CHEK1: variants seen among roughly 807,000 people sequenced by gnomAD.
The protein encoded by CHEK1 is serine/threonine-protein kinase Chk1.
In CHEK1, 32 loss-of-function variants were observed where a neutral mutation model predicts 60.2. The observed-to-expected ratio is 0.53, with a 90% CI of 0.40 to 0.71. The LOEUF is 0.71. CHEK1 is among the 30% of genes least tolerant of loss of function. CHEK1 has a pLI of 0.00. For synonymous variants in CHEK1, 179 were observed against 187.2 expected (o/e 0.96, Z 0.36); for missense variants, 399 against 564.6 (o/e 0.71, Z 2.97).
intron 3 of CHEK1, among the ~76,000 whole-genome samples, chr11:125,628,288 T>G (rs1323386897): frequency 6.6e-6 from 1 of 152,230 alleles, no homozygotes; most frequent in African/African-American, 2.4e-5. Flanking sequence ...TTTTGTATAT[T>G]AAGTAAATTC....
At chr11:125,645,032 A>G (rs1471078819) in intron 11 of CHEK1, among the ~76,000 whole-genome samples, 3 of 152,218 alleles carry the variant, frequency 2.0e-5, no homozygotes, top group Non-Finnish European at 4.4e-5. Flanking sequence ...ACATAAAAAT[A>G]CAAAGTAATT....
intron 13 of CHEK1, among the ~76,000 whole-genome samples, chr11:125,662,164 TA>T (rs1324845022): frequency 6.6e-6 from 1 of 152,228 alleles, no homozygotes; most frequent in African/African-American, 2.4e-5. Flanking sequence ...GTGTGGCTTA[TA>T]AACAACAAAC....
intron 5 of CHEK1, 42 bp from the exon 6 acceptor site, chr11:125,633,121 A>G: frequency 6.5e-7 from 1 of 1,527,376 alleles, no homozygotes; most frequent in Admixed American, 2.5e-5. Context: ...TCTATTTGCA[A>G]AACATTTTTA....
downstream of CHEK1, among the ~76,000 whole-genome samples, chr11:125,678,919 G>A (rs1248825722): frequency 7.1e-6 from 1 of 141,594 alleles, no homozygotes. Context: ...GTGGGTTGGG[G>A]ATTCAGAGAG....
intron 11 of CHEK1, among the ~76,000 whole-genome samples, chr11:125,651,668 A>C (rs968370290): frequency 4.6e-5 from 7 of 152,054 alleles, no homozygotes; most frequent in African/African-American, 4.8e-5. Context: ...TTCTGCTCCC[A>C]CCTGGACCTA....
chr11:125,655,586 G>A lies in CHEK1; in HGVS notation c.*266G>A. On this transcript the variant is annotated 3_prime_UTR_variant, in exon 13 of 13. Coordinates refer to ENST00000438015, the MANE Select transcript of CHEK1 (RefSeq NM_001114122.3). Reference sequence around the variant, plus strand: ...TCATGTGTGTTTAGTATCTGAATTTGAAACTCATCTGGTGGAAACCAAGTT... The same window carrying A: ...TCATGTGTGTTTAGTATCTGAATTTAAAACTCATCTGGTGGAAACCAAGTT... The A allele has an allele frequency of 3.5e-6, 1 of 289,250 alleles. No individual in the cohort carries two copies. Among genetic ancestry groups the A allele is most frequent in the Non-Finnish European group, 6.4e-6 (1 of 156,286 alleles). 17.9% of individuals were successfully genotyped at this position (289,250 alleles called of 1,614,324 possible). A position where few individuals can be genotyped will look rare whatever the true frequency, so the allele number is the denominator to read the frequency against.
intron 13 of CHEK1, chr11:125,672,496 A>T: frequency 1.4e-6 from 2 of 1,423,452 alleles, no homozygotes; most frequent in East Asian, 2.3e-5. Flanking sequence ...AGATGTGGTC[A>T]GTTGTTGACT....
intron 13 of CHEK1, among the ~76,000 whole-genome samples, chr11:125,667,765 T>C (rs1942125421): frequency 6.6e-6 from 1 of 151,978 alleles, no homozygotes; most frequent in African/African-American, 2.4e-5. Flanking sequence ...GAATTACAGG[T>C]GCATGCCACC....
At chr11:125,652,022 T>C (rs776426659) in intron 11 of CHEK1, among the ~76,000 whole-genome samples, 4 of 152,238 alleles carry the variant, frequency 2.6e-5, no homozygotes, top group Non-Finnish European at 4.4e-5. Flanking sequence ...GAGTTGAATA[T>C]CTTGTATTAA....
At chr11:125,634,965 T>G (rs957649886) in intron 6 of CHEK1, among the ~76,000 whole-genome samples, 21 of 151,604 alleles carry the variant, frequency 1.4e-4, no homozygotes, top group African/African-American at 4.6e-4. Flanking sequence ...TTTTTTGGTT[T>G]TTTTTTTTTT....
At chr11:125,631,605 C>G (rs1940861108) in intron 5 of CHEK1, among the ~76,000 whole-genome samples, 1 of 150,406 alleles carries the variant, frequency 6.6e-6, no homozygotes, top group Non-Finnish European at 1.5e-5. Flanking sequence ...GTAGCTCATG[C>G]CTGTAATCCC....
chr11:125,630,983 A>G (rs1283296256), intron 5 of CHEK1, among the ~76,000 whole-genome samples: 1 of 152,190 alleles, frequency 6.6e-6, no homozygotes, highest in Non-Finnish European at 1.5e-5. Flanking sequence ...GCAAAAAGAG[A>G]CAGTTGCAAA....
At chr11:125,667,648 T>C (rs1393007042) in intron 13 of CHEK1, among the ~76,000 whole-genome samples, 2 of 152,100 alleles carry the variant, frequency 1.3e-5, no homozygotes, top group Non-Finnish European at 2.9e-5. Flanking sequence ...TGAGACAGAG[T>C]CTTGCTCTGT....
downstream of CHEK1, among the ~76,000 whole-genome samples, chr11:125,676,984 A>G (rs547616557): frequency 2.0e-5 from 3 of 152,302 alleles, no homozygotes; most frequent in African/African-American, 7.2e-5. Context: ...TAACAGCACT[A>G]TCTTTGAAAT....
chr11:125,681,035 A>T, downstream of CHEK1: 11 of 305,538 alleles, frequency 3.6e-5, no homozygotes, highest in Non-Finnish European at 6.0e-5. The surrounding 1 kb of genome is among the most constrained non-coding windows in gnomAD (Gnocchi z 4.2). Context: ...TGTGCAGGGT[A>T]GTGTGTTGGG....
chr11:125,634,479 C>T (rs1940987862), intron 6 of CHEK1, among the ~76,000 whole-genome samples: 1 of 151,970 alleles, frequency 6.6e-6, no homozygotes, highest in Non-Finnish European at 1.5e-5. Context: ...TGCACCACCA[C>T]ACCTGGCTAA....
In CHEK1 at chr11:125,643,814, T is replaced by G; in HGVS notation, c.837T>G (p.Thr279=). 1 of 1,614,106 alleles carries G rather than the reference T, an allele frequency of 6.2e-7. No homozygotes were observed. Among genetic ancestry groups the G allele is most frequent in the Non-Finnish European group, 8.5e-7 (1 of 1,180,012 alleles). The change falls in exon 9 of 13, where the codon ACT becomes ACG. Residue 279 remains threonine, a synonymous_variant. Coordinates refer to ENST00000438015, the MANE Select transcript of CHEK1 (RefSeq NM_001114122.3). ...LKKGAKRPRV[T]SGGVSESPSG... The stretch of plus-strand genomic sequence containing the variant: ...TAGGGGCAAAAAGGCCCCGAGTCAC[T>G]TCAGGTGGTGTGTCAGAGTCTCCCA...
chr11:125,625,493 G>A lies in CHEK1; in HGVS notation c.-540G>A. ...TCTCGGCTCCAGCACCACGAGTACC[G>A]CACTCTGAGGTTTACAAAGCACTCT... is the stretch of plus-strand genomic sequence containing the variant. On this transcript the variant is annotated 5_prime_UTR_variant, in exon 1 of 13. Transcript: ENST00000438015. 1 of 408,270 alleles carries A rather than the reference G, an allele frequency of 2.4e-6. No individual in the cohort carries two copies. The highest frequency in any genetic ancestry group is 4.4e-6 in the Non-Finnish European group (1 of 226,410). 25.3% of individuals were successfully genotyped at this position (408,270 alleles called of 1,614,324 possible). A position where few individuals can be genotyped will look rare whatever the true frequency, so the allele number is the denominator to read the frequency against.
At chr11:125,679,228 T>TTTTTTTTTTTTTTGTG (rs1454887323), downstream of CHEK1, among the ~76,000 whole-genome samples, 2 of 145,558 alleles carry the variant, frequency 1.4e-5, no homozygotes, top group African/African-American at 5.1e-5. Context: ...TTTTTTTTTT[T>TTTTTTTTTTTTTTGTG]TGTTTCAAAG....
Sources: gnomAD v4.1 joint callset for allele counts (sites outside exome capture counted in the v4.1 genomes callset) on GRCh38, gnomAD v4.1.1 for gene constraint, Gnocchi (gnomAD v3.1) non-coding constraint, MANE v1.5 for transcripts, NCBI Gene and HGNC (gene_info 2026-07-23, HGNC 2026-07-21) for gene names.